The following INSR variants were observed in gnomAD, a reference collection of about 807,000 sequenced individuals.
The protein encoded by INSR is insulin receptor, also known as IR.
Under a neutral mutation model 142.6 loss-of-function variants are expected in INSR, and 67 were observed. The ratio of observed to expected loss-of-function variants is 0.47; its 90% CI spans 0.39 to 0.58. INSR has a LOEUF of 0.58. INSR is among the 20% of genes least tolerant of loss of function. INSR has a pLI of 0.00. For missense variants in INSR, 1,248 were observed against 1,833.2 expected (o/e 0.68, Z 5.83); for synonymous variants, 756 against 743.1 (o/e 1.02, Z -0.28).
At chr19:7,261,681 C>A (rs1281339317) in intron 2 of INSR, among the ~76,000 whole-genome samples, 1 of 152,080 alleles carries the variant, frequency 6.6e-6, no homozygotes, top group Non-Finnish European at 1.5e-5. Flanking sequence ...CAGGCGCCCA[C>A]CACCACGCCT....
chr19:7,123,872 G>A (rs1475107071), intron 17 of INSR, among the ~76,000 whole-genome samples: 3 of 151,952 alleles, frequency 2.0e-5, no homozygotes, highest in South Asian at 2.1e-4. Flanking sequence ...GCAGTGAGCC[G>A]AGATTGTGCC....
At position 7,112,961 on chromosome 19, in the gene INSR, C is replaced by A. The variant is rs1972241876; in HGVS notation, c.*4095G>T. On this transcript the variant is annotated 3_prime_UTR_variant, in exon 22 of 22. Transcript: ENST00000302850. Reference sequence around the variant, plus strand: ...CTGGAAGATTTTCTGAAGTGACACCCCTCTCTGTGTACCATGTATATAAAA... The same window carrying A: ...CTGGAAGATTTTCTGAAGTGACACCACTCTCTGTGTACCATGTATATAAAA... The A allele has an allele frequency of 6.6e-6, 1 of 152,092 alleles. No homozygotes were observed. Among genetic ancestry groups the A allele is most frequent in the African/African-American group, 2.4e-5 (1 of 41,390 alleles). The allele number at this position is 152,092 out of a possible 1,614,324, so 9.4% of individuals were successfully genotyped here. A position where few individuals can be genotyped will look rare whatever the true frequency, so the allele number is the denominator to read the frequency against.
Position 7,150,498 on chromosome 19 carries a change from T to A in INSR, c.2266A>T (p.Arg756Trp), listed in dbSNP as rs756730681. ...AGGGGTCGCACAGGTGAGTCATACC[T>A]AGGGTCCTCGGCACCAGTGCCTGAA... ...TSSGTGAEDP[R>W]PSRKRRSLGD... The change falls in exon 11 of 22, where the codon AGG becomes TGG. Residue 756 changes from arginine to tryptophan, a missense_variant and splice_region_variant. By Grantham distance (101) the Arg-to-Trp change is moderately radical. Coordinates refer to ENST00000302850, the MANE Select transcript of INSR (RefSeq NM_000208.4). This position sits in a 1 kb window ranked among gnomAD's most constrained non-coding sequence, Gnocchi z 4.2. 1 of 1,614,140 alleles carries A rather than the reference T, an allele frequency of 6.2e-7. No individual in the cohort carries two copies.
chr19:7,124,946 G>A (rs1972610087), intron 17 of INSR, among the ~76,000 whole-genome samples: 2 of 151,852 alleles, frequency 1.3e-5, no homozygotes, highest in South Asian at 2.1e-4. Context: ...AAAAAGCAAT[G>A]GAAGATTGTG....
At chr19:7,169,839 G>T (rs1177325315) in intron 6 of INSR, among the ~76,000 whole-genome samples, 1 of 152,026 alleles carries the variant, frequency 6.6e-6, no homozygotes, top group East Asian at 1.9e-4. Flanking sequence ...GTACTATATG[G>T]CACAGTAAGC....
At chr19:7,170,516 G>A in intron 6 of INSR, 21 bp downstream of exon 6, 1 of 1,590,720 alleles carries the variant, frequency 6.3e-7, no homozygotes, top group Non-Finnish European at 8.6e-7. Flanking sequence ...ATGCCAAAAA[G>A]GTTGGGGACC....
At chr19:7,270,815 C>T (rs562700736) in intron 1 of INSR, among the ~76,000 whole-genome samples, 2 of 151,284 alleles carry the variant, frequency 1.3e-5, no homozygotes, top group African/African-American at 2.4e-5. Flanking sequence ...AATCCCAGCA[C>T]TTTGGGAGGC....
At chr19:7,193,445 G>A (rs1338765442) in intron 2 of INSR, among the ~76,000 whole-genome samples, 1 of 150,674 alleles carries the variant, frequency 6.6e-6, no homozygotes, top group Non-Finnish European at 1.5e-5. Context: ...CTGGGGAGCG[G>A]AAGTTGCAGT....
chr19:7,200,041 C>T (rs1171462199), intron 2 of INSR, among the ~76,000 whole-genome samples: 1 of 152,070 alleles, frequency 6.6e-6, no homozygotes, highest in African/African-American at 2.4e-5. Context: ...GAACTATAAA[C>T]AGTTCAGAGT....
intron 13 of INSR, 23 bp from the exon 14 acceptor site, chr19:7,132,340 A>T (rs973557593): frequency 6.2e-7 from 1 of 1,611,978 alleles, no homozygotes; most frequent in Non-Finnish European, 8.5e-7. Context: ...GAGGAGGAGA[A>T]GGAGGGTGGC....
At chr19:7,232,384 G>C (rs1976006340) in intron 2 of INSR, among the ~76,000 whole-genome samples, 1 of 151,996 alleles carries the variant, frequency 6.6e-6, no homozygotes, top group Non-Finnish European at 1.5e-5. Context: ...GCTAATTTTT[G>C]TATTTTTAGT....
chr19:7,119,105 C>T lies in INSR; in HGVS notation c.3794+344G>A, dbSNP rs1042242653. On this transcript the variant is annotated intron_variant, in intron 21 of 21. Coordinates refer to ENST00000302850, the MANE Select transcript of INSR (RefSeq NM_000208.4). This position sits in a 1 kb window ranked among gnomAD's most constrained non-coding sequence, Gnocchi z 5.2. ...GGCAGGTAAAGACATAATATGTAAA[C>T]ATGTGTGCTTATAATATGTAAATGA... is the stretch of plus-strand genomic sequence containing the variant. Among the ~76,000 whole-genome samples, 16 of 152,034 alleles carry T rather than the reference C, an allele frequency of 1.1e-4. No homozygotes were observed. Among genetic ancestry groups the T allele is most frequent in the African/African-American group, 3.9e-4 (16 of 41,384 alleles).
intron 15 of INSR, among the ~76,000 whole-genome samples, chr19:7,128,404 A>G (rs4804070): frequency 0.44 from 66,937 of 151,328 alleles, 15,987 homozygotes; most frequent in Admixed American, 0.57. Flanking sequence ...AGTAGAGACG[A>G]GGTTTCACCA....
At chr19:7,270,337 T>TCACACACA (rs1334553477) in intron 1 of INSR, among the ~76,000 whole-genome samples, 1,533 of 95,468 alleles carry the variant, frequency 0.016, 14 homozygotes, top group African/African-American at 0.037. Context: ...TCTCTCTCTC[T>TCACACACA]CTCACACACA....
chr19:7,167,679 G>C (rs146550230), intron 7 of INSR, among the ~76,000 whole-genome samples: 129 of 152,202 alleles, frequency 8.5e-4, no homozygotes, highest in African/African-American at 3.0e-3. Flanking sequence ...GATGTCTGAT[G>C]AGACATACAC....
intron 5 of INSR, among the ~76,000 whole-genome samples, chr19:7,171,488 T>C (rs1289119265): frequency 1.3e-5 from 2 of 151,968 alleles, no homozygotes; most frequent in Non-Finnish European, 2.9e-5. Flanking sequence ...TGCCTATGAG[T>C]CAATCTTGAT....
intron 9 of INSR, among the ~76,000 whole-genome samples, chr19:7,160,698 A>G (rs1271029495): frequency 6.6e-6 from 1 of 151,972 alleles, no homozygotes; most frequent in Non-Finnish European, 1.5e-5. Context: ...AAAAAAACCC[A>G]ATGTTAAAAT....
At chr19:7,270,452 C>T (rs547503548) in intron 1 of INSR, among the ~76,000 whole-genome samples, 1 of 151,844 alleles carries the variant, frequency 6.6e-6, no homozygotes, top group South Asian at 2.1e-4. Context: ...CATGAATATG[C>T]ATTCAAAGGT....
intron 9 of INSR, among the ~76,000 whole-genome samples, chr19:7,157,949 T>G (rs34501799): frequency 0.28 from 41,611 of 151,106 alleles, 6,771 homozygotes; most frequent in Admixed American, 0.44. Context: ...TAAATAGACA[T>G]AGAATACCCT....
Sources: gnomAD v4.1 joint callset for allele counts (sites outside exome capture counted in the v4.1 genomes callset) on GRCh38, gnomAD v4.1.1 for gene constraint, Gnocchi (gnomAD v3.1) non-coding constraint, MANE v1.5 for transcripts, NCBI Gene and HGNC (gene_info 2026-07-23, HGNC 2026-07-21) for gene names.